The following MAPK6 variants were observed in gnomAD, a reference collection of about 807,000 sequenced individuals.
The protein encoded by MAPK6 is ERK-3.
In MAPK6, 19 loss-of-function variants were observed where a neutral mutation model predicts 59.3. The ratio of observed to expected loss-of-function variants is 0.32; its 90% CI spans 0.22 to 0.47. MAPK6 has a LOEUF of 0.47. MAPK6 is among the 20% of genes least tolerant of loss of function. The pLI, the probability that MAPK6 is intolerant of heterozygous loss-of-function variation, is 1.00. For synonymous variants in MAPK6, 316 were observed against 290.3 expected (o/e 1.09, Z -0.90); for missense variants, 724 against 847.9 (o/e 0.85, Z 1.81).
intron 4 of MAPK6, 41 bp from the exon 5 acceptor site, chr15:52,061,258 A>G: frequency 1.4e-6 from 2 of 1,441,328 alleles, no homozygotes; most frequent in Non-Finnish European, 9.8e-7. Context: ...TCTAAAGGTA[A>G]GCAATTCTTT....
intron 1 of MAPK6, among the ~76,000 whole-genome samples, chr15:52,028,322 A>G (rs1291273514): frequency 1.3e-5 from 2 of 151,872 alleles, no homozygotes; most frequent in East Asian, 3.9e-4. Context: ...ACTGACCTCA[A>G]GTGATTCATC....
chr15:52,014,655 C>T (rs1379755249), upstream of MAPK6, among the ~76,000 whole-genome samples: 1 of 148,314 alleles, frequency 6.7e-6, no homozygotes, highest in Non-Finnish European at 1.5e-5. Context: ...TACAGTGAGC[C>T]ATGATCCCAC....
At position 51,992,305 on chromosome 15, in the gene MAPK6, A is replaced by ATATATATAT. The variant is rs572519819; in HGVS notation, c.-770+8991_-770+8992insATATATATT. ...TATCTATCTATCTATATATATATAT[A>ATATATATAT]TTTTTTTTTTTTTTGAGACAGAGTC... On this transcript the variant is annotated intron_variant, in intron 2 of 7. Transcript: ENST00000691380. 5.0e-3 allele frequency among the ~76,000 whole-genome samples: 506 copies of ATATATATAT among 101,400 alleles called. 5 individuals carry two copies. The highest frequency in any genetic ancestry group is 7.7e-3 in the Non-Finnish European group (385 of 50,278). 66.5% of individuals were successfully genotyped at this position (101,400 alleles called of 152,430 possible).
At chr15:52,063,594 A>C (rs566019313) in intron 5 of MAPK6, among the ~76,000 whole-genome samples, 10 of 151,212 alleles carry the variant, frequency 6.6e-5, no homozygotes, top group African/African-American at 2.2e-4. Flanking sequence ...TGTAGAGTAA[A>C]CATTTGTAAG....
intron 1 of MAPK6, among the ~76,000 whole-genome samples, chr15:52,023,365 T>G (rs1044943910): frequency 1.3e-5 from 2 of 152,196 alleles, no homozygotes; most frequent in African/African-American, 4.8e-5. Flanking sequence ...TGTTGAACAT[T>G]ACACTACAAC....
At chr15:51,973,050 T>C (rs1025533652) in intron 1 of MAPK6, among the ~76,000 whole-genome samples, 2 of 151,660 alleles carry the variant, frequency 1.3e-5, no homozygotes, top group Non-Finnish European at 2.9e-5. Context: ...TGTGTTACAT[T>C]ACCTAATTAG....
chr15:52,034,848 C>G (rs1175950931), intron 1 of MAPK6, among the ~76,000 whole-genome samples: 1 of 151,248 alleles, frequency 6.6e-6, no homozygotes, highest in Non-Finnish European at 1.5e-5. Flanking sequence ...CAGGTGTGCA[C>G]CACCACGCCC....
At chr15:51,971,903 C>T (rs1427928916) in exon 1 of MAPK6, 2 of 717,634 alleles carry the variant, frequency 2.8e-6, no homozygotes, top group Non-Finnish European at 4.9e-6. Context: ...CTGTTCTCGC[C>T]TGGGTATGCA....
chr15:52,032,606 C>G (rs904435970), intron 1 of MAPK6, among the ~76,000 whole-genome samples: 1 of 152,108 alleles, frequency 6.6e-6, no homozygotes, highest in Non-Finnish European at 1.5e-5. Flanking sequence ...TTCTTTCATC[C>G]TAAAAGACTT....
chr15:52,025,300 G>C lies in MAPK6; in HGVS notation c.-632+5924G>C, dbSNP rs1033445565. 5.0e-4 allele frequency among the ~76,000 whole-genome samples: 76 copies of C among 152,284 alleles called. 1 individual carries two copies. Among genetic ancestry groups the C allele is most frequent in the Middle Eastern group, 3.4e-3 (1 of 294 alleles). ...GCATACATGGTTGCTCAGCTCGTTA[G>C]TCTTCTGAGTTGCTCTTTCCACTGG... On this transcript the variant is annotated intron_variant, in intron 1 of 5. Transcript: ENST00000261845.
intron 3 of MAPK6, among the ~76,000 whole-genome samples, chr15:52,055,109 A>G (rs1252128831): frequency 6.6e-6 from 1 of 152,216 alleles, no homozygotes; most frequent in African/African-American, 2.4e-5. Flanking sequence ...CCACCACAGT[A>G]ACGAGTCAGA....
At position 52,065,044 on chromosome 15, in the gene MAPK6, T is replaced by G; in HGVS notation, c.*44T>G. ...ATCTTTGTATTCTTCATGAAATGTG[T>G]TTTGTCTTTTTTTATTACTAGTGTT... is the stretch of plus-strand genomic sequence containing the variant. On this transcript the variant is annotated 3_prime_UTR_variant, in exon 6 of 6. Coordinates refer to ENST00000261845, the MANE Select transcript of MAPK6 (RefSeq NM_002748.4). The G allele has an allele frequency of 6.7e-7, 1 of 1,501,700 alleles. No individual in the cohort carries two copies. The highest frequency in any genetic ancestry group is 2.1e-5 in the Admixed American group (1 of 47,304). 93.0% of individuals were successfully genotyped at this position (1,501,700 alleles called of 1,614,324 possible).
chr15:52,032,231 G>GC (rs1436462576), intron 1 of MAPK6, among the ~76,000 whole-genome samples: 1 of 116,866 alleles, frequency 8.6e-6, no homozygotes, highest in East Asian at 2.6e-4. Flanking sequence ...TTGCTCTGTT[G>GC]CCAGGCTGGA....
At chr15:52,043,742 A>ATTTTTTTTTTTTTTTTTTTTTTTTTTTT (rs71130125) in intron 1 of MAPK6, among the ~76,000 whole-genome samples, 1 of 40,630 alleles carries the variant, frequency 2.5e-5, no homozygotes, top group Non-Finnish European at 4.4e-5. Flanking sequence ...AAGTTGTTTG[A>ATTTTTTTTTTTTTTTTTTTTTTTTTTTT]TTTTTTTTTT....
intron 1 of MAPK6, among the ~76,000 whole-genome samples, chr15:51,976,266 C>CAAAAA (rs774556505): frequency 4.4e-5 from 2 of 45,188 alleles, no homozygotes; most frequent in Non-Finnish European, 1.0e-4. Context: ...ACTCCCATCT[C>CAAAAA]AAAAAAAAAA....
chr15:52,020,552 G>A (rs2030485579), intron 1 of MAPK6, among the ~76,000 whole-genome samples: 1 of 152,012 alleles, frequency 6.6e-6, no homozygotes, highest in African/African-American at 2.4e-5. Context: ...ATTTTCTGAT[G>A]GCTGATTCTT....
At chr15:52,038,803 TA>T (rs1327049073) in intron 1 of MAPK6, among the ~76,000 whole-genome samples, 2 of 152,184 alleles carry the variant, frequency 1.3e-5, no homozygotes, top group Non-Finnish European at 2.9e-5. Context: ...TTTCCAGCCG[TA>T]AGTTTGTAGA....
intron 2 of MAPK6, among the ~76,000 whole-genome samples, chr15:52,000,779 G>T (rs757201632): frequency 6.6e-6 from 1 of 151,550 alleles, no homozygotes; most frequent in Non-Finnish European, 1.5e-5. Flanking sequence ...CAGCTTGGGC[G>T]ACAGAGAGAG....
chr15:52,013,750 G>A (rs911029431), intron 3 of MAPK6, among the ~76,000 whole-genome samples: 17 of 152,118 alleles, frequency 1.1e-4, no homozygotes, highest in African/African-American at 4.1e-4. Context: ...TAGAGGACGT[G>A]GGAGTATTGT....
Sources: gnomAD v4.1 joint callset for allele counts (sites outside exome capture counted in the v4.1 genomes callset) on GRCh38, gnomAD v4.1.1 for gene constraint, MANE v1.5 for transcripts, NCBI Gene and HGNC (gene_info 2026-07-23, HGNC 2026-07-21) for gene names.